UNC13B: variants seen among roughly 807,000 people sequenced by gnomAD.
The protein encoded by UNC13B is unc-13 homolog B, also known as protein unc-13 homolog B.
UNC13B carries 144 observed loss-of-function variants against 211.0 expected under a neutral mutation model. The observed-to-expected ratio is 0.68, with a 90% CI of 0.60 to 0.78. The LOEUF is 0.78. Ranked by LOEUF, UNC13B falls within the 30% of genes least tolerant of loss-of-function variation. The probability of loss-of-function intolerance (pLI) is 0.00; values close to 1 mark genes in which losing one functional copy is unlikely to be tolerated. For synonymous variants in UNC13B, 709 were observed against 725.8 expected, an observed-to-expected ratio of 0.98 and a Z score of 0.37; for missense variants, 1,777 against 2,002.0, an observed-to-expected ratio of 0.89 and a Z score of 2.14.
At chr9:35,378,814 G>A (rs1834626214) in intron 17 of UNC13B, among the ~76,000 whole-genome samples, 1 of 152,118 alleles carries the variant, frequency 6.6e-6, no homozygotes, top group African/African-American at 2.4e-5. Context: ...CATAAGGAAG[G>A]CTCTTATAAG....
At chr9:35,194,109 A>G (rs1374024357) in intron 1 of UNC13B, among the ~76,000 whole-genome samples, 2 of 151,918 alleles carry the variant, frequency 1.3e-5, no homozygotes, top group African/African-American at 4.8e-5. Context: ...TGCAAATGCT[A>G]TATACTCTTC....
intron 7 of UNC13B, among the ~76,000 whole-genome samples, chr9:35,272,218 T>TG (rs1311180044): frequency 4.6e-5 from 7 of 151,336 alleles, no homozygotes; most frequent in Admixed American, 1.3e-4. Flanking sequence ...TTTTGTTTTT[T>TG]TTTTTGGTTG....
intron 1 of UNC13B, among the ~76,000 whole-genome samples, chr9:35,186,225 C>T (rs1822352137): frequency 6.6e-6 from 1 of 152,114 alleles, no homozygotes. Flanking sequence ...TGATAAGAGA[C>T]ATTCACCACC....
At chr9:35,162,534 A>G (rs1396595064) in intron 1 of UNC13B, among the ~76,000 whole-genome samples, 1 of 152,150 alleles carries the variant, frequency 6.6e-6, no homozygotes, top group East Asian at 1.9e-4. Context: ...GCCATGTGAC[A>G]ATGTTGTTGG....
chr9:35,390,119 T>A (rs1835438789), intron 25 of UNC13B, 146 bp downstream of exon 25: 1 of 1,437,674 alleles, frequency 7.0e-7, no homozygotes, highest in African/African-American at 1.4e-5. Flanking sequence ...TGTATCTGTC[T>A]GGGTAACTGT....
chr9:35,265,839 T>C (rs1827539514), intron 7 of UNC13B, among the ~76,000 whole-genome samples: 1 of 152,182 alleles, frequency 6.6e-6, no homozygotes, highest in South Asian at 2.1e-4. Flanking sequence ...TTCCTTTTTT[T>C]GCGATGGAGT....
chr9:35,162,170 G>A lies in UNC13B; in HGVS notation c.-114G>A, dbSNP rs1290980431. 6.8e-7 allele frequency: 1 copy of A among 1,470,608 alleles called. No individual in the cohort carries two copies. The highest frequency in any genetic ancestry group is 9.2e-7 in the Non-Finnish European group (1 of 1,087,660). The allele number at this position is 1,470,608 out of a possible 1,614,324, so 91.1% of individuals were successfully genotyped here. On this transcript the variant is annotated 5_prime_UTR_variant, in exon 1 of 40. Coordinates refer to ENST00000635942, the MANE Select transcript of UNC13B (RefSeq NM_001371189.2). ...CGCTACCTGCGACCGGGACCATGAGGAGCTGCCAGACCCGTGGGGCCGGTA... is the reference window on the plus strand; with the variant it reads ...CGCTACCTGCGACCGGGACCATGAGAAGCTGCCAGACCCGTGGGGCCGGTA...
At chr9:35,393,574 CTTTT>C (rs749007486) in intron 26 of UNC13B, among the ~76,000 whole-genome samples, 1 of 118,858 alleles carries the variant, frequency 8.4e-6, no homozygotes, top group Non-Finnish European at 1.7e-5. Flanking sequence ...GACTCTCTCT[CTTTT>C]TTTTTTTTTT....
intron 1 of UNC13B, among the ~76,000 whole-genome samples, chr9:35,191,372 C>G (rs1822652083): frequency 6.6e-6 from 1 of 152,166 alleles, no homozygotes; most frequent in Non-Finnish European, 1.5e-5. Flanking sequence ...AGCCCCTAAG[C>G]TGTCCTTGCT....
rs1829829938 is a variant in UNC13B at position 35,304,406 on chromosome 9, TG to T, written c.5003del (p.Cys1668LeufsTer10). ...CTTTAGATCTTTCAAAGAAAGGCCG[TG>T]TGGTTCTGAAGACGCTGAATGTACA... ...GDFRSFKERP[C>X]GSEDAECTLD... On this transcript the variant is annotated frameshift_variant, in exon 9 of 40. Transcript: ENST00000635942. LOFTEE classifies it high-confidence loss of function. 1.3e-5 allele frequency: 5 copies of T among 398,692 alleles called. No homozygotes were observed. The East Asian group carries it at 1.8e-4, about 14-fold the overall frequency. 24.7% of individuals were successfully genotyped at this position (398,692 alleles called of 1,614,324 possible). A position where few individuals can be genotyped will look rare whatever the true frequency, so the allele number is the denominator to read the frequency against.
chr9:35,405,318 A>G lies in UNC13B; in HGVS notation c.*1285A>G, dbSNP rs533168970. ...ACAGGAGATTATAGGCTAGTCTGTA[A>G]TAAATTATCTTATAGCAGCCTTTGG... On this transcript the variant is annotated 3_prime_UTR_variant, in exon 40 of 40. Transcript: ENST00000635942. 1 of 152,750 alleles carries G rather than the reference A, an allele frequency of 6.5e-6. No individual in the cohort carries two copies. The highest frequency in any genetic ancestry group is 2.4e-5 in the African/African-American group (1 of 41,568). 9.5% of individuals were successfully genotyped at this position (152,750 alleles called of 1,614,324 possible). A position where few individuals can be genotyped will look rare whatever the true frequency, so the allele number is the denominator to read the frequency against.
At chr9:35,340,977 T>G (rs541707216) in intron 11 of UNC13B, among the ~76,000 whole-genome samples, 1 of 152,308 alleles carries the variant, frequency 6.6e-6, no homozygotes, top group Non-Finnish European at 1.5e-5. Flanking sequence ...CAGTGAGTCC[T>G]AACTAGAATT....
intron 1 of UNC13B, among the ~76,000 whole-genome samples, chr9:35,191,820 G>C (rs1200661132): frequency 6.6e-6 from 1 of 152,198 alleles, no homozygotes; most frequent in Non-Finnish European, 1.5e-5. Flanking sequence ...GTTTGTTACT[G>C]ACCATTTTGT....
intron 7 of UNC13B, among the ~76,000 whole-genome samples, chr9:35,283,548 A>AT (rs1241403404): frequency 1.3e-5 from 2 of 151,102 alleles, no homozygotes; most frequent in African/African-American, 4.9e-5. Context: ...TTCTACAAAC[A>AT]TTTTTTTGAC....
chr9:35,375,500 C>T (rs773038341), intron 14 of UNC13B, among the ~76,000 whole-genome samples: 7 of 152,174 alleles, frequency 4.6e-5, no homozygotes, highest in South Asian at 2.1e-4. Context: ...GAACAAGGCT[C>T]GGATCCAGCA....
chr9:35,396,816 C>A, intron 27 of UNC13B, 25 bp from the exon 28 acceptor site: 2 of 1,613,968 alleles, frequency 1.2e-6, no homozygotes, highest in South Asian at 2.2e-5. Flanking sequence ...AGTTCTAAGC[C>A]CCTGTTCTCC....
At chr9:35,291,133 T>C (rs1294416666) in intron 7 of UNC13B, 17 of 1,548,378 alleles carry the variant, frequency 1.1e-5, no homozygotes, top group Non-Finnish European at 1.5e-5. Context: ...TCCTTATCAT[T>C]TTCTTGATCT....
At position 35,396,463 on chromosome 9, in the gene UNC13B, T is replaced by C; in HGVS notation, c.11309-13T>C. The C allele has an allele frequency of 1.2e-6, 2 of 1,613,994 alleles. No individual in the cohort carries two copies. Among genetic ancestry groups the C allele is most frequent in the Non-Finnish European group, 1.7e-6 (2 of 1,179,990 alleles). Reference sequence around the variant, plus strand: ...CTGCTGGGACCTGACCCAACCTTTCTCCCTACCACTAGAGCATGAGAAAGA... The same window carrying C: ...CTGCTGGGACCTGACCCAACCTTTCCCCCTACCACTAGAGCATGAGAAAGA... On this transcript the variant is annotated splice_polypyrimidine_tract_variant and intron_variant, in intron 26 of 39. Transcript: ENST00000635942.
At chr9:35,245,212 A>G (rs1564089607) in intron 6 of UNC13B, among the ~76,000 whole-genome samples, 1 of 152,080 alleles carries the variant, frequency 6.6e-6, no homozygotes, top group Non-Finnish European at 1.5e-5. Flanking sequence ...ACAGAATCAG[A>G]AGAAGGGATT....
Sources: gnomAD v4.1 joint callset for allele counts (sites outside exome capture counted in the v4.1 genomes callset) on GRCh38, gnomAD v4.1.1 for gene constraint, MANE v1.5 for transcripts, NCBI Gene and HGNC (gene_info 2026-07-23, HGNC 2026-07-21) for gene names.